RABEPK: variants seen among roughly 807,000 people sequenced by gnomAD.
The protein encoded by RABEPK is 40 kDa Rab9 effector protein.
A neutral mutation model predicts 34.1 loss-of-function variants in RABEPK; 27 were observed. The observed-to-expected ratio is 0.79, with a 90% CI of 0.58 to 1.09. The LOEUF (loss-of-function observed/expected upper bound fraction) is 1.09, where lower values mean the gene tolerates loss of function less well. RABEPK is among the 50% of genes least tolerant of loss of function. RABEPK has a pLI of 0.00. For missense variants in RABEPK, 449 were observed against 462.6 expected (o/e 0.97, Z 0.27); for synonymous variants, 172 against 169.2 (o/e 1.02, Z -0.13).
intron 5 of RABEPK, among the ~76,000 whole-genome samples, chr9:125,225,045 G>A (rs932542121): frequency 2.0e-5 from 3 of 152,006 alleles, no homozygotes; most frequent in African/African-American, 7.2e-5. Context: ...CTTGAGCCTA[G>A]GAGTTCCAGT....
chr9:125,223,297 G>A (rs545815743), intron 5 of RABEPK, among the ~76,000 whole-genome samples: 4 of 151,208 alleles, frequency 2.6e-5, no homozygotes, highest in Non-Finnish European at 4.4e-5. Flanking sequence ...AAATTAGCTG[G>A]ACGTGGTGGC....
intron 5 of RABEPK, chr9:125,221,386 A>T (rs1199626996): frequency 6.6e-6 from 1 of 150,930 alleles, no homozygotes; most frequent in African/African-American, 2.4e-5. Flanking sequence ...AATCCCAGCT[A>T]CTCGGGAGGC....
Position 125,227,891 on chromosome 9 carries a change from A to G in RABEPK, c.527-19A>G. 2 of 1,518,326 alleles carry G rather than the reference A, an allele frequency of 1.3e-6. No individual in the cohort carries two copies. Among genetic ancestry groups the G allele is most frequent in the Non-Finnish European group, 1.8e-6 (2 of 1,127,046 alleles). The allele number at this position is 1,518,326 out of a possible 1,614,324, so 94.1% of individuals were successfully genotyped here. ...TTTAATAGTTTTGCCATTTGATGTT[A>G]TTGAATTTACTTTTCTAGACACTCT... On this transcript the variant is annotated intron_variant, in intron 5 of 7. Transcript: ENST00000373538.
Position 125,228,077 on chromosome 9 carries a change from G to T in RABEPK, c.676+18G>T. ...TGATATAAGTAAGCAGGGCATGGGG[G>T]CTTGTCTGTTTAAAATTGTTATTTT... On this transcript the variant is annotated intron_variant, in intron 6 of 7. Transcript: ENST00000373538. 1.4e-6 allele frequency: 2 copies of T among 1,435,464 alleles called. No individual in the cohort carries two copies. Among genetic ancestry groups the T allele is most frequent in the Non-Finnish European group, 9.2e-7 (1 of 1,084,698 alleles). The allele number at this position is 1,435,464 out of a possible 1,614,324, so 88.9% of individuals were successfully genotyped here. A position where few individuals can be genotyped will look rare whatever the true frequency, so the allele number is the denominator to read the frequency against.
chr9:125,232,488 T>G, intron 6 of RABEPK, 108 bp from the exon 7 acceptor site: 1 of 1,274,814 alleles, frequency 7.8e-7, no homozygotes, highest in Non-Finnish European at 1.1e-6. Flanking sequence ...CTCTCAGAGC[T>G]CTTGGTGAAT....
At chr9:125,233,334 T>G (rs930368824) in intron 7 of RABEPK, among the ~76,000 whole-genome samples, 9 of 136,854 alleles carry the variant, frequency 6.6e-5, no homozygotes, top group Non-Finnish European at 9.5e-5. Context: ...AAATTGTTTT[T>G]TTTTTTTTTT....
chr9:125,232,247 GAGAC>G (rs1832245646), intron 6 of RABEPK, among the ~76,000 whole-genome samples: 1 of 98,906 alleles, frequency 1.0e-5, no homozygotes, highest in African/African-American at 3.8e-5. Flanking sequence ...CACACACACA[GAGAC>G]AGAGAGAGAG....
At chr9:125,202,430 G>A (rs557056970) in intron 1 of RABEPK, among the ~76,000 whole-genome samples, 3 of 152,116 alleles carry the variant, frequency 2.0e-5, no homozygotes, top group Non-Finnish European at 4.4e-5. Context: ...GCTGAGAAAG[G>A]AGAATCATTT....
intron 2 of RABEPK, among the ~76,000 whole-genome samples, chr9:125,203,343 C>T (rs1482084808): frequency 6.6e-6 from 1 of 152,152 alleles, no homozygotes; most frequent in Non-Finnish European, 1.5e-5. Context: ...TGTCTTCCCC[C>T]GAGCTCTGAC....
chr9:125,211,034 A>G (rs182854733), intron 3 of RABEPK, among the ~76,000 whole-genome samples: 3,463 of 150,122 alleles, frequency 0.023, 144 homozygotes, highest in African/African-American at 0.081. Flanking sequence ...GGAGATTGAG[A>G]CCATCCTGGC....
intron 3 of RABEPK, 34 bp downstream of exon 3, chr9:125,207,755 G>A: frequency 6.2e-7 from 1 of 1,611,452 alleles, no homozygotes; most frequent in Non-Finnish European, 8.5e-7. Flanking sequence ...CATGCCCTAT[G>A]GCCAGAGAAC....
At chr9:125,205,549 G>C (rs547821528) in intron 2 of RABEPK, among the ~76,000 whole-genome samples, 4 of 152,220 alleles carry the variant, frequency 2.6e-5, no homozygotes, top group Non-Finnish European at 5.9e-5. Context: ...TTGGAGTGCA[G>C]TGGCACAATC....
intron 4 of RABEPK, among the ~76,000 whole-genome samples, chr9:125,215,395 G>A (rs537235027): frequency 7.3e-5 from 11 of 150,220 alleles, no homozygotes; most frequent in East Asian, 2.0e-4. Flanking sequence ...CTGCAGCCTC[G>A]ACCACCCAGG....
chr9:125,232,896 T>C (rs1832304213), intron 7 of RABEPK, 151 bp downstream of exon 7: 1 of 741,414 alleles, frequency 1.3e-6, no homozygotes. Flanking sequence ...ACCAACATGG[T>C]GAAACCCCAT....
Position 125,232,728 on chromosome 9 carries a change from T to G in RABEPK, c.809T>G (p.Met270Arg), listed in dbSNP as rs774273357. 1.2e-6 allele frequency: 2 copies of G among 1,613,754 alleles called. No homozygotes were observed. The highest frequency in any genetic ancestry group is 1.7e-6 in the Non-Finnish European group (2 of 1,179,848). ...ACTCCTGCAGGAGCACTGGACACAA[T>G]GTACCAGTATCACACAGGTGAGCAG... is the stretch of plus-strand genomic sequence containing the variant. ...GMTPAGALDT[M>R]YQYHTEEQHW... The change falls in exon 7 of 8, where the codon ATG (methionine) becomes AGG (arginine). Residue 270 changes from methionine (M) to arginine (R), a missense_variant. Transcript: ENST00000373538.
At chr9:125,224,082 C>G (rs1296228467) in intron 5 of RABEPK, among the ~76,000 whole-genome samples, 1 of 151,614 alleles carries the variant, frequency 6.6e-6, no homozygotes, top group Non-Finnish European at 1.5e-5. Context: ...ATAATCCCAG[C>G]TACTCGGGAG....
At chr9:125,215,494 T>C (rs1198769891) in intron 4 of RABEPK, among the ~76,000 whole-genome samples, 1 of 151,924 alleles carries the variant, frequency 6.6e-6, no homozygotes, top group Non-Finnish European at 1.5e-5. Flanking sequence ...GTATTTTTTG[T>C]AGAGACAGAG....
intron 4 of RABEPK, among the ~76,000 whole-genome samples, chr9:125,214,304 G>A (rs974638605): frequency 1.3e-5 from 2 of 152,128 alleles, no homozygotes; most frequent in African/African-American, 4.8e-5. Context: ...TGGGGGTAGC[G>A]TGGGCTACTG....
chr9:125,204,207 A>G (rs1028556476), intron 2 of RABEPK, among the ~76,000 whole-genome samples: 3 of 151,810 alleles, frequency 2.0e-5, no homozygotes, highest in Admixed American at 6.6e-5. Flanking sequence ...GGTGGCGGGC[A>G]TCTGTAGTCC....
Sources: allele counts gnomAD v4.1 joint callset (sites outside exome capture counted in the v4.1 genomes callset), GRCh38; gene constraint gnomAD v4.1.1; transcripts MANE v1.5; gene names NCBI Gene and HGNC (gene_info 2026-07-23, HGNC 2026-07-21).